The following KRT8 variants were observed in gnomAD, a reference collection of about 807,000 sequenced individuals.
KRT8 encodes keratin 8.
Under a neutral mutation model 43.0 loss-of-function variants are expected in KRT8, and 24 were observed. That is an observed-to-expected ratio of 0.56 (90% CI 0.40 to 0.78). The LOEUF (loss-of-function observed/expected upper bound fraction) is 0.78, where lower values mean the gene tolerates loss of function less well. Among genes scored for constraint, KRT8 ranks in the 30% least tolerant of loss-of-function variants. The pLI is 0.00. For synonymous variants in KRT8, 214 were observed against 261.2 expected (o/e 0.82, Z 1.74); for missense variants, 492 against 638.4 (o/e 0.77, Z 2.47).
At chr12:52,919,571 G>A (rs930550623) in intron 2 of KRT8, among the ~76,000 whole-genome samples, 2 of 151,032 alleles carry the variant, frequency 1.3e-5, no homozygotes, top group Non-Finnish European at 3.0e-5. Context: ...CCCAGCCATG[G>A]CTTTCATTTT....
At chr12:52,934,950 C>G (rs1447631443) in intron 2 of KRT8, among the ~76,000 whole-genome samples, 1 of 150,710 alleles carries the variant, frequency 6.6e-6, no homozygotes, top group African/African-American at 2.4e-5. Flanking sequence ...GCCTGGGCAA[C>G]AAGAGTGAAA....
At chr12:52,942,650 T>G (rs1315585911) in intron 2 of KRT8, among the ~76,000 whole-genome samples, 1 of 152,150 alleles carries the variant, frequency 6.6e-6, no homozygotes, top group Admixed American at 6.6e-5. Context: ...AGCCATGTTT[T>G]AAGGCTTCTT....
chr12:52,915,480 G>T (rs533937951), intron 2 of KRT8, among the ~76,000 whole-genome samples: 151 of 151,990 alleles, frequency 9.9e-4, no homozygotes, highest in African/African-American at 3.5e-3. Flanking sequence ...GGCTGAGGCG[G>T]GTGGATCACC....
At chr12:52,908,257 GCT>G (rs1941564062), upstream of KRT8, among the ~76,000 whole-genome samples, 1 of 151,816 alleles carries the variant, frequency 6.6e-6, no homozygotes, top group East Asian at 1.9e-4. Flanking sequence ...ACGGAGTCTC[GCT>G]CTGTCACCCA....
exon 1 of KRT8, chr12:52,904,742 C>T: frequency 6.2e-7 from 1 of 1,612,698 alleles, no homozygotes; most frequent in Non-Finnish European, 8.5e-7. Flanking sequence ...TGTTGGGGTC[C>T]ACCTCCAGGA....
intron 2 of KRT8, among the ~76,000 whole-genome samples, chr12:52,922,184 T>TAAAAAAAA (rs57023136): frequency 2.6e-5 from 1 of 38,674 alleles, no homozygotes; most frequent in Non-Finnish European, 4.4e-5. Flanking sequence ...ACCCTGTCTC[T>TAAAAAAAA]AAAAAAAAAA....
At chr12:52,928,861 G>A (rs1450732043) in intron 2 of KRT8, among the ~76,000 whole-genome samples, 2 of 152,138 alleles carry the variant, frequency 1.3e-5, no homozygotes, top group Admixed American at 6.6e-5. Context: ...AGACAAGATC[G>A]TGCCATTGCA....
upstream of KRT8, among the ~76,000 whole-genome samples, chr12:52,905,567 G>A (rs919506093): frequency 7.2e-5 from 11 of 152,204 alleles, no homozygotes; most frequent in African/African-American, 2.7e-4. Context: ...AGAACAGCTG[G>A]AGTCCAAAGC....
exon 1 of KRT8, chr12:52,904,914 C>T: frequency 6.2e-7 from 1 of 1,612,552 alleles, no homozygotes; most frequent in Non-Finnish European, 8.5e-7. Flanking sequence ...CGTGTAGGAG[C>T]GGCTGCTGAA....
At chr12:52,949,277 T>G in intron 2 of KRT8, 1 of 1,610,744 alleles carries the variant, frequency 6.2e-7, no homozygotes. Context: ...GCGGCCAGCG[T>G]CTATGCAGGC....
At chr12:52,938,166 ATATATTTTTTTT>A (rs1183796150) in intron 2 of KRT8, among the ~76,000 whole-genome samples, 7 of 37,072 alleles carry the variant, frequency 1.9e-4, no homozygotes, top group African/African-American at 1.3e-3. Context: ...ATATATATAT[ATATATTTTTTTT>A]TTTTTTTATA....
chr12:52,921,198 A>T (rs746138930), intron 2 of KRT8, among the ~76,000 whole-genome samples: 11 of 152,218 alleles, frequency 7.2e-5, no homozygotes, highest in Non-Finnish European at 1.3e-4. Flanking sequence ...ACAGAACTCC[A>T]GGCAGAGGCC....
At chr12:52,897,303 G>A in exon 8 of KRT8, 1 of 908,550 alleles carries the variant, frequency 1.1e-6, no homozygotes, top group Non-Finnish European at 1.8e-6. Flanking sequence ...TCCCCAGGTG[G>A]GCTGAGGGCT....
At chr12:52,926,345 C>CCCCCCCCCCCA in intron 2 of KRT8, 1 of 902,308 alleles carries the variant, frequency 1.1e-6, no homozygotes, top group Non-Finnish European at 1.7e-6. Flanking sequence ...CTCCCCACCC[C>CCCCCCCCCCCA]ACCCCCAGGA....
chr12:52,937,755 T>C (rs892009151), intron 2 of KRT8, among the ~76,000 whole-genome samples: 6 of 147,020 alleles, frequency 4.1e-5, no homozygotes, highest in African/African-American at 1.5e-4. Context: ...CCCAGCACTT[T>C]GGAGGCCAAG....
chr12:52,941,730 C>A (rs551972261), intron 2 of KRT8, among the ~76,000 whole-genome samples: 1 of 151,974 alleles, frequency 6.6e-6, no homozygotes, highest in Non-Finnish European at 1.5e-5. Context: ...TCAGGTGATC[C>A]GCCCGCCTCA....
upstream of KRT8, among the ~76,000 whole-genome samples, chr12:52,905,666 G>T (rs1447120095): frequency 7.9e-5 from 12 of 152,054 alleles, no homozygotes; most frequent in African/African-American, 2.9e-4. Context: ...GGTCTGGGTA[G>T]ATATTTGTGG....
At chr12:52,947,667 G>A (rs997160436) in intron 2 of KRT8, 3 of 150,976 alleles carry the variant, frequency 2.0e-5, no homozygotes, top group African/African-American at 7.3e-5. Context: ...TAGTAGAGAA[G>A]GGGTGTCACC....
chr12:52,949,381 G>C, intron 2 of KRT8: 1 of 1,610,950 alleles, frequency 6.2e-7, no homozygotes, highest in Non-Finnish European at 8.5e-7. Flanking sequence ...GATAGCCGGG[G>C]GTCTGGCAGG....
Sources: allele counts gnomAD v4.1 joint callset (sites outside exome capture counted in the v4.1 genomes callset), GRCh38; gene constraint gnomAD v4.1.1; transcripts MANE v1.5; gene names NCBI Gene and HGNC (gene_info 2026-07-23, HGNC 2026-07-21).